PAM: variants seen among roughly 807,000 people sequenced by gnomAD.
The protein encoded by PAM is peptidylglycine alpha-amidating monooxygenase.
PAM carries 72 observed loss-of-function variants against 122.1 expected under a neutral mutation model. The ratio of observed to expected loss-of-function variants is 0.59; its 90% CI spans 0.49 to 0.72. The LOEUF (loss-of-function observed/expected upper bound fraction) is 0.72, where lower values mean the gene tolerates loss of function less well. Ranked by LOEUF, PAM falls within the 30% of genes least tolerant of loss-of-function variation. The pLI is 0.00. For synonymous variants in PAM, 389 were observed against 404.4 expected (o/e 0.96, Z 0.46); for missense variants, 1,106 against 1,183.7 (o/e 0.93, Z 0.96).
At chr5:102,911,481 T>C (rs1801382596) in intron 4 of PAM, among the ~76,000 whole-genome samples, 2 of 151,940 alleles carry the variant, frequency 1.3e-5, no homozygotes, top group Admixed American at 1.3e-4. Flanking sequence ...TTAAAATGTA[T>C]GTCAGGAAAA....
At chr5:102,924,705 T>C (rs1397820423) in intron 5 of PAM, among the ~76,000 whole-genome samples, 1 of 151,914 alleles carries the variant, frequency 6.6e-6, no homozygotes, top group Non-Finnish European at 1.5e-5. Flanking sequence ...GTAAAAATTA[T>C]ATATCTCCCT....
chr5:103,012,356 T>C (rs1402036862), intron 21 of PAM, among the ~76,000 whole-genome samples: 4 of 152,234 alleles, frequency 2.6e-5, no homozygotes, highest in African/African-American at 9.6e-5. Context: ...TGTCCTGAAG[T>C]GTTTCCCCAA....
At chr5:102,853,518 T>A (rs1781839202) in intron 1 of PAM, among the ~76,000 whole-genome samples, 1 of 152,236 alleles carries the variant, frequency 6.6e-6, no homozygotes, top group African/African-American at 2.4e-5. Context: ...AAGAAAGATT[T>A]TATATTTTAT....
rs115092680 is a variant in PAM at position 102,830,512 on chromosome 5, A to G, written c.-373-35311A>G. 4.3e-3 allele frequency among the ~76,000 whole-genome samples: 659 copies of G among 152,274 alleles called. 2 individuals are homozygous for G. Among genetic ancestry groups the G allele is most frequent in the Non-Finnish European group, 7.2e-3 (487 of 68,014 alleles). ...TGTAACTGCTTGTTCATTCTTCTCC[A>G]TGACTCTCCTCTTACTACACCCTCA... On this transcript the variant is annotated intron_variant, in intron 1 of 25. Transcript: ENST00000438793.
chr5:102,968,790 A>G (rs1480699927), intron 14 of PAM, among the ~76,000 whole-genome samples: 1 of 152,132 alleles, frequency 6.6e-6, no homozygotes, highest in Non-Finnish European at 1.5e-5. Context: ...ACATGCACAC[A>G]TGCGTTTATT....
At chr5:102,803,830 C>T (rs993220281) in intron 1 of PAM, among the ~76,000 whole-genome samples, 3 of 152,154 alleles carry the variant, frequency 2.0e-5, no homozygotes, top group Admixed American at 2.0e-4. Context: ...TGAATATTGA[C>T]TTTGTGTCTA....
intron 1 of PAM, among the ~76,000 whole-genome samples, chr5:102,795,189 C>CAAAAAAAAAAAA (rs33988105): frequency 3.7e-4 from 22 of 59,660 alleles, no homozygotes; most frequent in East Asian, 6.6e-4. Context: ...GACAATGTCT[C>CAAAAAAAAAAAA]AAAAAAAAAA....
intron 1 of PAM, among the ~76,000 whole-genome samples, chr5:102,766,926 ATTT>A: frequency 0.028 from 728 of 25,752 alleles, 120 homozygotes; most frequent in South Asian, 0.14. Context: ...TCAGTTGTGG[ATTT>A]TTTTTTTTTT....
At chr5:102,988,345 T>C (rs1024355692) in intron 15 of PAM, among the ~76,000 whole-genome samples, 1 of 152,022 alleles carries the variant, frequency 6.6e-6, no homozygotes, top group Non-Finnish European at 1.5e-5. Flanking sequence ...AGCCCTATCC[T>C]TGGGAAGGAT....
intron 14 of PAM, among the ~76,000 whole-genome samples, chr5:102,965,037 C>T (rs1451513834): frequency 6.6e-6 from 1 of 151,600 alleles, no homozygotes; most frequent in African/African-American, 2.4e-5. Context: ...GAAGAATTAC[C>T]TATATATGTA....
chr5:102,783,142 G>A (rs1022622025), intron 1 of PAM, among the ~76,000 whole-genome samples: 5 of 150,314 alleles, frequency 3.3e-5, no homozygotes, highest in South Asian at 2.1e-4. Flanking sequence ...TGAAATGAAT[G>A]TTTATATTTG....
chr5:102,841,297 G>A (rs1477783051), intron 1 of PAM, among the ~76,000 whole-genome samples: 1 of 151,954 alleles, frequency 6.6e-6, no homozygotes, highest in Non-Finnish European at 1.5e-5. Context: ...TTATATGACA[G>A]TTGTCCTCTG....
intron 7 of PAM, among the ~76,000 whole-genome samples, chr5:102,932,758 T>C (rs572351460): frequency 3.9e-5 from 6 of 152,106 alleles, no homozygotes; most frequent in South Asian, 4.1e-4. Flanking sequence ...ACAGAACAGA[T>C]TGGCAATGAA....
intron 7 of PAM, among the ~76,000 whole-genome samples, chr5:102,945,652 C>T (rs1216455230): frequency 1.3e-5 from 2 of 151,590 alleles, no homozygotes; most frequent in Non-Finnish European, 2.9e-5. Flanking sequence ...CTATTCTTCT[C>T]CCCCCCTCTC....
intron 1 of PAM, among the ~76,000 whole-genome samples, chr5:102,807,260 G>A (rs565682477): frequency 1.3e-5 from 2 of 152,318 alleles, no homozygotes; most frequent in South Asian, 4.1e-4. Flanking sequence ...GATCAAATAA[G>A]TGTAGTATTT....
intron 16 of PAM, among the ~76,000 whole-genome samples, chr5:102,997,007 G>T (rs1180305196): frequency 6.6e-6 from 1 of 152,094 alleles, no homozygotes; most frequent in Non-Finnish European, 1.5e-5. Flanking sequence ...TCTAGAATTT[G>T]TGTTATCACT....
chr5:102,864,964 G>A (rs1785119133), intron 1 of PAM, among the ~76,000 whole-genome samples: 1 of 152,098 alleles, frequency 6.6e-6, no homozygotes, highest in African/African-American at 2.4e-5. Context: ...TGTAACATTA[G>A]TTCTTCATGG....
Position 103,006,884 on chromosome 5 carries a change from CT to C in PAM, c.1889del (p.Phe630SerfsTer90). On this transcript the variant is annotated frameshift_variant, in exon 19 of 26. Transcript: ENST00000438793. LOFTEE classifies it high-confidence loss of function. ...TGCAACCAGGCAGTGACCAGAATCA[CT>C]TCTGTCAACCCACTGATGTGGCTGT... Reference protein sequence around the residue: ...SMQPGSDQNHFCQPTDVAVDP... With the variant: ...SMQPGSDQNHXCQPTDVAVDP... 6.2e-7 allele frequency: 1 copy of C among 1,613,918 alleles called. No individual in the cohort carries two copies. The highest frequency in any genetic ancestry group is 8.5e-7 in the Non-Finnish European group (1 of 1,179,804).
At chr5:103,015,613 G>C (rs1404504527) in intron 21 of PAM, among the ~76,000 whole-genome samples, 1 of 152,136 alleles carries the variant, frequency 6.6e-6, no homozygotes, top group East Asian at 1.9e-4. Context: ...GAGTTCTTCT[G>C]ACTGCAAGAA....
Sources: gnomAD v4.1 joint callset for allele counts (sites outside exome capture counted in the v4.1 genomes callset) on GRCh38, gnomAD v4.1.1 for gene constraint, MANE v1.5 for transcripts, NCBI Gene and HGNC (gene_info 2026-07-23, HGNC 2026-07-21) for gene names.